Variants in LMBR1 observed in about 807,000 individuals in gnomAD.
LMBR1 encodes the protein limb region 1 protein homolog.
A neutral mutation model predicts 73.9 loss-of-function variants in LMBR1; 52 were observed. The observed-to-expected ratio is 0.70, with a 90% confidence interval of 0.56 to 0.89. LMBR1 has a LOEUF of 0.89. Ranked by LOEUF, LMBR1 falls within the 40% of genes least tolerant of loss-of-function variation. The pLI, the probability that LMBR1 is intolerant of heterozygous loss-of-function variation, is 0.00. For missense variants in LMBR1, 539 were observed against 579.8 expected (o/e 0.93, Z 0.72); for synonymous variants, 215 against 209.4 (o/e 1.03, Z -0.23).
At chr7:156,781,742 A>G (rs1563345314) in intron 5 of LMBR1, among the ~76,000 whole-genome samples, 1 of 152,190 alleles carries the variant, frequency 6.6e-6, no homozygotes, top group South Asian at 2.1e-4. Context: ...CAACCAAGTC[A>G]ACCTTCTGCA....
Position 156,680,356 on chromosome 7 carries a change from G to C in LMBR1, c.*3722C>G, listed in dbSNP as rs1382313889. 1 of 146,000 alleles carries C rather than the reference G, an allele frequency of 6.8e-6. No homozygotes were observed. The highest frequency in any genetic ancestry group is 2.6e-5 in the African/African-American group (1 of 38,366). The allele number at this position is 146,000 out of a possible 1,614,324, so 9.0% of individuals were successfully genotyped here. A position where few individuals can be genotyped will look rare whatever the true frequency, so the allele number is the denominator to read the frequency against. Reference sequence around the variant, plus strand: ...ACAAGTACTGTCTTGTTAAATTTTTGCTTATACGTATCTGAGAGACAGAGA... The same window carrying C: ...ACAAGTACTGTCTTGTTAAATTTTTCCTTATACGTATCTGAGAGACAGAGA... On this transcript the variant is annotated 3_prime_UTR_variant, in exon 17 of 17. Transcript: ENST00000353442.
rs934421288 is a variant in LMBR1, at chr7:156,681,528, T to C, written c.*2550A>G. 1 of 154,306 alleles carries C rather than the reference T, an allele frequency of 6.5e-6. No homozygotes were observed. The highest frequency in any genetic ancestry group is 1.4e-5 in the Non-Finnish European group (1 of 69,492). 9.6% of individuals were successfully genotyped at this position (154,306 alleles called of 1,614,324 possible). On this transcript the variant is annotated 3_prime_UTR_variant, in exon 17 of 17. Coordinates refer to ENST00000353442, the MANE Select transcript of LMBR1 (RefSeq NM_022458.4). ...GTTATAATCTGAAAACTTATAATTG[T>C]AAAATAATTTATTTAAGTATTGCAG...
rs200997034 is a variant in LMBR1, at chr7:156,875,906, TA to T, written c.66+17021del. Among the ~76,000 whole-genome samples the T allele has an allele frequency of 6.8e-3, 954 of 141,212 alleles. 3 individuals are homozygous for T. The highest frequency in any genetic ancestry group is 0.012 in the South Asian group (55 of 4,432). The allele number at this position is 141,212 out of a possible 152,430, so 92.6% of individuals were successfully genotyped here. On this transcript the variant is annotated intron_variant, in intron 1 of 16. Transcript: ENST00000353442. ...AGGGCATATAAAACAAAAATACAAT[TA>T]AAAAAAAAAAAAAACAAGGTATATA...
chr7:156,795,341 G>C (rs1484826161), intron 5 of LMBR1, among the ~76,000 whole-genome samples: 3 of 152,124 alleles, frequency 2.0e-5, no homozygotes, highest in Non-Finnish European at 4.4e-5. Flanking sequence ...TTCTCCCACT[G>C]TCCGACCCTT....
intron 4 of LMBR1, among the ~76,000 whole-genome samples, chr7:156,798,398 C>G (rs562816746): frequency 2.2e-3 from 333 of 152,258 alleles, no homozygotes; most frequent in African/African-American, 7.2e-3. Context: ...TTCTTTCTAC[C>G]AAGTGTATTG....
intron 1 of LMBR1, among the ~76,000 whole-genome samples, chr7:156,889,205 G>A (rs532234850): frequency 6.8e-4 from 103 of 152,298 alleles, no homozygotes; most frequent in Non-Finnish European, 9.6e-4. Flanking sequence ...GGCAGAACCA[G>A]CAGCTGGAGA....
At chr7:156,727,599 G>A (rs1816023299) in intron 12 of LMBR1, among the ~76,000 whole-genome samples, 8 of 152,144 alleles carry the variant, frequency 5.3e-5, no homozygotes, top group Non-Finnish European at 1.2e-4. Flanking sequence ...CAAGGTCCTG[G>A]AAAGACTCAG....
chr7:156,885,757 T>C (rs1423996396), intron 1 of LMBR1, among the ~76,000 whole-genome samples: 1 of 152,094 alleles, frequency 6.6e-6, no homozygotes, highest in East Asian at 1.9e-4. Context: ...CAGGCACCTA[T>C]AATCCCAGCT....
At chr7:156,696,671 T>A (rs1808353379) in intron 15 of LMBR1, among the ~76,000 whole-genome samples, 1 of 152,152 alleles carries the variant, frequency 6.6e-6, no homozygotes, top group Non-Finnish European at 1.5e-5. Flanking sequence ...AACAACAGCA[T>A]GGGAAAGACC....
Position 156,680,532 on chromosome 7 carries a change from T to C in LMBR1, c.*3546A>G, listed in dbSNP as rs1327147593. ...TAACAGCATTTATTCTTCCAGGAACTCTGGGTTAAGCTGTCCAGACCACAA... is the reference window on the plus strand; with the variant it reads ...TAACAGCATTTATTCTTCCAGGAACCCTGGGTTAAGCTGTCCAGACCACAA... On this transcript the variant is annotated 3_prime_UTR_variant, in exon 17 of 17. Coordinates refer to ENST00000353442, the MANE Select transcript of LMBR1 (RefSeq NM_022458.4). 1 of 152,234 alleles carries C rather than the reference T, an allele frequency of 6.6e-6. No homozygotes were observed. The highest frequency in any genetic ancestry group is 1.5e-5 in the Non-Finnish European group (1 of 68,064). 9.4% of individuals were successfully genotyped at this position (152,234 alleles called of 1,614,324 possible).
At chr7:156,836,141 C>T (rs1442182848) in intron 2 of LMBR1, among the ~76,000 whole-genome samples, 1 of 152,140 alleles carries the variant, frequency 6.6e-6, no homozygotes, top group Non-Finnish European at 1.5e-5. Flanking sequence ...AAACTGATAG[C>T]ATAATATTAA....
At chr7:156,892,677 G>A (rs1009660580) in intron 1 of LMBR1, 21 of 340,424 alleles carry the variant, frequency 6.2e-5, no homozygotes, top group Non-Finnish European at 9.5e-5. Flanking sequence ...GCGCGAGGGG[G>A]CAGGGGAGGC....
chr7:156,877,751 C>A (rs1244483377), intron 1 of LMBR1, among the ~76,000 whole-genome samples: 1 of 152,012 alleles, frequency 6.6e-6, no homozygotes, highest in Non-Finnish European at 1.5e-5. Context: ...GGCGCGGTGG[C>A]AGGCGCCTGT....
chr7:156,670,742 T>G lies in LMBR1; in HGVS notation n.867-1455A>C, dbSNP rs939586675. 6.6e-6 allele frequency among the ~76,000 whole-genome samples: 1 copy of G among 152,174 alleles called. No individual in the cohort carries two copies. Among genetic ancestry groups the G allele is most frequent in the Admixed American group, 6.5e-5 (1 of 15,278 alleles). ...CTAACCGCCAGTCTAGACTCCCATG[T>G]GAACCAAATGAAAGTTACATTCAAG... On this transcript the variant is annotated intron_variant and non_coding_transcript_variant, in intron 4 of 4. Transcript: ENST00000430825. The surrounding 1 kb of genome is among the most constrained non-coding windows in gnomAD (Gnocchi z 4.3).
intron 15 of LMBR1, among the ~76,000 whole-genome samples, chr7:156,697,219 T>C (rs1441329311): frequency 6.6e-6 from 1 of 152,042 alleles, no homozygotes; most frequent in African/African-American, 2.4e-5. Flanking sequence ...AAAGATCACA[T>C]GCTTCAAAGG....
At chr7:156,673,906 T>TAAA (rs3030984), downstream of LMBR1, among the ~76,000 whole-genome samples, 5 of 100,816 alleles carry the variant, frequency 5.0e-5, no homozygotes, top group South Asian at 2.7e-4. Context: ...TCCACATTAA[T>TAAA]AAAAAAAAAA....
chr7:156,840,712 C>T (rs2365747), intron 1 of LMBR1, among the ~76,000 whole-genome samples: 64,026 of 151,018 alleles, frequency 0.42, 13,912 homozygotes, highest in East Asian at 0.6. Context: ...GTAATCCCAG[C>T]ACTTTGGGAG....
intron 1 of LMBR1, among the ~76,000 whole-genome samples, chr7:156,850,508 C>A (rs771848314): frequency 1.6e-4 from 25 of 152,188 alleles, no homozygotes; most frequent in Non-Finnish European, 1.6e-4. Context: ...TTTGCCTATT[C>A]TGGGTATTTC....
At chr7:156,828,844 T>C (rs1836151004) in intron 3 of LMBR1, among the ~76,000 whole-genome samples, 1 of 152,208 alleles carries the variant, frequency 6.6e-6, no homozygotes, top group African/African-American at 2.4e-5. Context: ...AATCTTTTAC[T>C]CTTTAATTCA....
Sources: allele counts gnomAD v4.1 joint callset (sites outside exome capture counted in the v4.1 genomes callset), GRCh38; gene constraint gnomAD v4.1.1; non-coding constraint Gnocchi (gnomAD v3.1); transcripts MANE v1.5; gene names NCBI Gene and HGNC (gene_info 2026-07-23, HGNC 2026-07-21).